The following PHYHIPL variants were observed in gnomAD, a reference collection of about 807,000 sequenced individuals.
The protein encoded by PHYHIPL is phytanoyl-CoA 2-hydroxylase interacting protein like, also known as phytanoyl-CoA hydroxylase-interacting protein-like.
PHYHIPL carries 9 observed loss-of-function variants against 33.4 expected under a neutral mutation model. The ratio of observed to expected loss-of-function variants is 0.27; its 90% confidence interval spans 0.16 to 0.47. PHYHIPL has a LOEUF of 0.47. Ranked by LOEUF, PHYHIPL falls within the 20% of genes least tolerant of loss-of-function variation. The pLI is 0.99. For missense variants in PHYHIPL, 365 were observed against 460.7 expected (o/e 0.79, Z 1.90); for synonymous variants, 153 against 154.1 (o/e 0.99, Z 0.05).
At chr10:59,178,450 G>T (rs1176462650) in intron 1 of PHYHIPL, among the ~76,000 whole-genome samples, 2 of 152,070 alleles carry the variant, frequency 1.3e-5, no homozygotes, top group Admixed American at 1.3e-4. Flanking sequence ...TAACGCATAG[G>T]AAGTCATTTG....
rs757331392 is a variant in PHYHIPL, at chr10:59,245,184, C to A, written c.724C>A (p.Pro242Thr). 35 of 1,614,004 alleles carry A rather than the reference C, an allele frequency of 2.2e-5. No homozygotes were observed. The highest frequency in any genetic ancestry group is 3.0e-5 in the Non-Finnish European group (35 of 1,180,022). Residue 242 changes from proline to threonine, a missense_variant, in exon 5 of 5, where the codon CCC becomes ACC. This residue lies in a region of PHYHIPL where 196 missense variants were observed against 224.9 expected (regional missense o/e 0.87). Coordinates refer to ENST00000373880, the MANE Select transcript of PHYHIPL (RefSeq NM_032439.4). ...CACTGAATTCAATACTGGAAAGCCA[C>A]CCCAGGATTCACCTTATGGAAGATA... is the stretch of plus-strand genomic sequence containing the variant. ...CSTEFNTGKP[P>T]QDSPYGRYRF...
At position 59,245,331 on chromosome 10, in the gene PHYHIPL, C is replaced by G. The variant is rs181806325; in HGVS notation, c.871C>G (p.Pro291Ala). The change falls in exon 5 of 5, where the codon CCA becomes GCA. Residue 291 changes from proline (P) to alanine (A), a missense_variant. By Grantham distance (27) the Pro-to-Ala change is conservative. Around this residue, in one of 4 missense-constraint regions of PHYHIPL, gnomAD observed 196 missense variants for 224.9 expected, o/e 0.87. Coordinates refer to ENST00000373880, the MANE Select transcript of PHYHIPL (RefSeq NM_032439.4). ...TCTTGTTATTGCTCCTGTGGGATCA[C>G]CAGGAGATGAATTTTGTAAGCAGCG... The part of the protein sequence containing the change: ...VILVIAPVGS[P>A]GDEFCKQRLP... 1 of 1,614,078 alleles carries G rather than the reference C, an allele frequency of 6.2e-7. No individual in the cohort carries two copies. The highest frequency in any genetic ancestry group is 2.2e-5 in the East Asian group (1 of 44,872).
At chr10:59,222,827 TA>T (rs1347159065) in intron 1 of PHYHIPL, among the ~76,000 whole-genome samples, 13 of 152,178 alleles carry the variant, frequency 8.5e-5, no homozygotes, top group Non-Finnish European at 1.9e-4. Flanking sequence ...AGTGAATTAA[TA>T]ATTGCATTTT....
chr10:59,177,608 C>T, intron 1 of PHYHIPL: 2 of 1,551,614 alleles, frequency 1.3e-6, no homozygotes, highest in Non-Finnish European at 1.7e-6. Context: ...GTGATTCAGA[C>T]TTTGTGGCGA....
At chr10:59,226,417 G>A (rs1839925307) in intron 1 of PHYHIPL, among the ~76,000 whole-genome samples, 1 of 152,080 alleles carries the variant, frequency 6.6e-6, no homozygotes, top group East Asian at 1.9e-4. Flanking sequence ...ACAAGCAAGA[G>A]ACAAAAAGAA....
chr10:59,178,739 A>G (rs1838321684), intron 1 of PHYHIPL, among the ~76,000 whole-genome samples: 2 of 152,190 alleles, frequency 1.3e-5, no homozygotes, highest in Non-Finnish European at 2.9e-5. Flanking sequence ...TGAAGTTCAC[A>G]GAGTTAAGAG....
At position 59,176,802 on chromosome 10, in the gene PHYHIPL, G is replaced by A; in HGVS notation, c.-52G>A. On this transcript the variant is annotated 5_prime_UTR_variant, in exon 1 of 5. Transcript: ENST00000373880. The stretch of plus-strand genomic sequence containing the variant: ...TCCCGCTCTTCTTGCCCACCCGGCC[G>A]GCAGAGAGAGCCTGGATACGAAGCA... The A allele has an allele frequency of 1.3e-6, 2 of 1,521,192 alleles. No individual in the cohort carries two copies. Among genetic ancestry groups the A allele is most frequent in the South Asian group, 1.2e-5 (1 of 84,548 alleles). The allele number at this position is 1,521,192 out of a possible 1,614,324, so 94.2% of individuals were successfully genotyped here. A position where few individuals can be genotyped will look rare whatever the true frequency, so the allele number is the denominator to read the frequency against.
At position 59,246,073 on chromosome 10, in the gene PHYHIPL, G is replaced by A. The variant is rs1278343531; in HGVS notation, c.*482G>A. ...CACTTCCAACTTCTTGTTTGACAGT[G>A]TTATTTATGTTATTTATATTAGCTA... is the stretch of plus-strand genomic sequence containing the variant. On this transcript the variant is annotated 3_prime_UTR_variant, in exon 5 of 5. Transcript: ENST00000373880. 6.5e-6 allele frequency: 1 copy of A among 153,296 alleles called. No individual in the cohort carries two copies. The highest frequency in any genetic ancestry group is 1.9e-4 in the East Asian group (1 of 5,192). The allele number at this position is 153,296 out of a possible 1,614,324, so 9.5% of individuals were successfully genotyped here.
chr10:59,197,261 T>G (rs1046497629), intron 1 of PHYHIPL, among the ~76,000 whole-genome samples: 1 of 152,228 alleles, frequency 6.6e-6, no homozygotes, highest in Non-Finnish European at 1.5e-5. Flanking sequence ...GTAACAAAAT[T>G]TCCTTTATGA....
intron 1 of PHYHIPL, among the ~76,000 whole-genome samples, chr10:59,178,432 A>C (rs542469059): frequency 2.0e-5 from 3 of 152,258 alleles, no homozygotes; most frequent in African/African-American, 7.2e-5. Context: ...TGTAAAGATT[A>C]TTTTTAATAA....
chr10:59,232,796 T>C (rs565152766), intron 1 of PHYHIPL, among the ~76,000 whole-genome samples: 1 of 151,976 alleles, frequency 6.6e-6, no homozygotes, highest in African/African-American at 2.4e-5. Flanking sequence ...CTATTACTGA[T>C]GTTTAAAGAC....
chr10:59,179,881 ACACACT>A (rs1206916012), intron 1 of PHYHIPL, among the ~76,000 whole-genome samples: 5 of 144,224 alleles, frequency 3.5e-5, no homozygotes, highest in South Asian at 2.2e-4. Flanking sequence ...ACACACACAC[ACACACT>A]ACCTCATGGA....
chr10:59,236,404 C>T, intron 2 of PHYHIPL, 79 bp from the exon 3 acceptor site: 1 of 883,832 alleles, frequency 1.1e-6, no homozygotes. Flanking sequence ...TCCCTTCTCC[C>T]TTTTCTTCTT....
At chr10:59,176,642 C>T, upstream of PHYHIPL, 1 of 493,856 alleles carries the variant, frequency 2.0e-6, no homozygotes. Flanking sequence ...CTCGGTCTCT[C>T]AGAGCCGCAC....
intron 1 of PHYHIPL, chr10:59,206,633 C>T (rs763342246): frequency 7.3e-5 from 18 of 246,954 alleles, no homozygotes; most frequent in South Asian, 2.8e-4. Context: ...TGTGTTTAGA[C>T]GCAGAAACAT....
At chr10:59,244,406 G>T (rs528440286) in intron 4 of PHYHIPL, among the ~76,000 whole-genome samples, 2 of 151,292 alleles carry the variant, frequency 1.3e-5, no homozygotes, top group Non-Finnish European at 3.0e-5. Context: ...TGTAGTAAAA[G>T]TACAAAAATT....
chr10:59,244,997 T>G (rs1840602705), intron 4 of PHYHIPL, 60 bp from the exon 5 acceptor site: 1 of 1,519,226 alleles, frequency 6.6e-7, no homozygotes, highest in Non-Finnish European at 8.8e-7. Context: ...CATTCAAATA[T>G]ATAAATCAGT....
intron 1 of PHYHIPL, among the ~76,000 whole-genome samples, chr10:59,225,618 C>A (rs1481555227): frequency 6.6e-6 from 1 of 152,100 alleles, no homozygotes; most frequent in East Asian, 1.9e-4. Flanking sequence ...AGAAAGCCAG[C>A]CCCTGATTAG....
intron 1 of PHYHIPL, among the ~76,000 whole-genome samples, chr10:59,215,498 T>C (rs1839589445): frequency 6.6e-6 from 1 of 152,066 alleles, no homozygotes; most frequent in Non-Finnish European, 1.5e-5. Context: ...CATTCATTTA[T>C]TCAGTAAATA....
Sources: gnomAD v4.1 joint callset for allele counts (sites outside exome capture counted in the v4.1 genomes callset) on GRCh38, gnomAD v4.1.1 for gene constraint, gnomAD v4.1.1 regional missense constraint, MANE v1.5 for transcripts, NCBI Gene and HGNC (gene_info 2026-07-23, HGNC 2026-07-21) for gene names.